FREM2: variants seen among roughly 807,000 people sequenced by gnomAD.
FREM2 encodes FRAS1-related extracellular matrix protein 2.
Under a neutral mutation model 219.9 loss-of-function variants are expected in FREM2, and 119 were observed. The ratio of observed to expected loss-of-function variants is 0.54; its 90% confidence interval spans 0.47 to 0.63. FREM2 has a LOEUF of 0.63. Ranked by LOEUF, FREM2 falls within the 30% of genes least tolerant of loss-of-function variation. The pLI, the probability that FREM2 is intolerant of heterozygous loss-of-function variation, is 0.00. For missense variants in FREM2, 4,030 were observed against 3,993.6 expected (o/e 1.01, Z -0.25); for synonymous variants, 1,562 against 1,522.8 (o/e 1.03, Z -0.60).
intron 8 of FREM2, among the ~76,000 whole-genome samples, chr13:38,848,982 A>T (rs1342864082): frequency 6.6e-6 from 1 of 151,956 alleles, no homozygotes; most frequent in Non-Finnish European, 1.5e-5. Flanking sequence ...TGTTCCCTGT[A>T]TGTGTCTCTG....
intron 11 of FREM2, among the ~76,000 whole-genome samples, chr13:38,855,770 G>A (rs1459557259): frequency 5.3e-5 from 8 of 151,982 alleles, no homozygotes; most frequent in African/African-American, 1.9e-4. Flanking sequence ...ACTACAAATT[G>A]GGTACAGTGT....
At chr13:38,855,232 C>T (rs1488676364) in intron 11 of FREM2, among the ~76,000 whole-genome samples, 1 of 151,988 alleles carries the variant, frequency 6.6e-6, no homozygotes, top group Non-Finnish European at 1.5e-5. Flanking sequence ...AAATCATTAG[C>T]ATTTATCTAA....
At chr13:38,861,376 T>C (rs1186982562) in intron 14 of FREM2, 55 bp from the exon 15 acceptor site, 7 of 1,561,878 alleles carry the variant, frequency 4.5e-6, no homozygotes, top group Non-Finnish European at 6.2e-6. Context: ...AAACATTCTT[T>C]AGGTATTATT....
chr13:38,835,628 T>C (rs928425756), intron 6 of FREM2, among the ~76,000 whole-genome samples: 4 of 152,244 alleles, frequency 2.6e-5, no homozygotes, highest in African/African-American at 9.6e-5. Context: ...CCTTGAGCAG[T>C]GGTTTGTAGT....
intron 4 of FREM2, among the ~76,000 whole-genome samples, chr13:38,782,272 G>T (rs1874146373): frequency 6.6e-6 from 1 of 152,090 alleles, no homozygotes; most frequent in African/African-American, 2.4e-5. Context: ...TCTGTTTGGG[G>T]TTTACAATGT....
In FREM2 at chr13:38,689,713, G is replaced by A. The variant is rs1345185914; in HGVS notation, c.2369G>A (p.Gly790Asp). The A allele has an allele frequency of 6.2e-7, 1 of 1,613,892 alleles. No individual in the cohort carries two copies. The highest frequency in any genetic ancestry group is 1.7e-5 in the Admixed American group (1 of 59,984). The change falls in exon 1 of 24, where the codon GGT becomes GAT. Residue 790 changes from glycine to aspartate, a missense_variant. Gly to Asp is a moderately conservative substitution (Grantham distance 94). Transcript: ENST00000280481. ...NHHKIAYRPP[G>D]QELGVATRVA... Reference sequence around the variant, plus strand: ...CATAAAATTGCTTACAGACCCCCGGGTCAAGAACTGGGCGTGGCTACTCGA... The same window carrying A: ...CATAAAATTGCTTACAGACCCCCGGATCAAGAACTGGGCGTGGCTACTCGA...
At chr13:38,710,412 A>G (rs1366318600) in intron 2 of FREM2, among the ~76,000 whole-genome samples, 3 of 152,218 alleles carry the variant, frequency 2.0e-5, no homozygotes, top group African/African-American at 4.8e-5. Flanking sequence ...TTCAGGACCA[A>G]TGAGAAGAGA....
intron 6 of FREM2, among the ~76,000 whole-genome samples, chr13:38,814,291 T>G (rs1875667106): frequency 6.6e-6 from 1 of 152,098 alleles, no homozygotes; most frequent in Admixed American, 6.6e-5. Context: ...AGTTAGGTAT[T>G]TATTGTGGTT....
chr13:38,740,964 CTGTG>C (rs1428522753), intron 2 of FREM2, among the ~76,000 whole-genome samples: 3 of 152,178 alleles, frequency 2.0e-5, no homozygotes, highest in African/African-American at 7.2e-5. Flanking sequence ...ATGCAACTCT[CTGTG>C]TTTGTGCAGA....
At chr13:38,824,597 G>C (rs539894513) in intron 6 of FREM2, among the ~76,000 whole-genome samples, 1 of 151,996 alleles carries the variant, frequency 6.6e-6, no homozygotes, top group Non-Finnish European at 1.5e-5. Flanking sequence ...GCTTGCTGCT[G>C]ATTGGTTGGG....
At chr13:38,806,569 C>A (rs892622132) in intron 6 of FREM2, among the ~76,000 whole-genome samples, 2 of 151,836 alleles carry the variant, frequency 1.3e-5, no homozygotes, top group Non-Finnish European at 1.5e-5. Context: ...AATGTACATA[C>A]CTTAAATAAA....
At chr13:38,750,826 G>A (rs570288813) in intron 2 of FREM2, among the ~76,000 whole-genome samples, 1 of 152,174 alleles carries the variant, frequency 6.6e-6, no homozygotes, top group Non-Finnish European at 1.5e-5. Context: ...CCAAGTAGCT[G>A]GTATTACAGG....
intron 2 of FREM2, among the ~76,000 whole-genome samples, chr13:38,761,732 T>C (rs1466716394): frequency 6.6e-6 from 1 of 152,006 alleles, no homozygotes; most frequent in Non-Finnish European, 1.5e-5. Context: ...AGGAGGGGGA[T>C]AGAGCAGCAA....
chr13:38,779,399 A>T (rs1018257921), intron 4 of FREM2: 4 of 137,282 alleles, frequency 2.9e-5, no homozygotes, highest in East Asian at 2.1e-4. Context: ...TAAATTTTTT[A>T]AAAAAAGAAT....
In FREM2 at chr13:38,882,453, T is replaced by C. The variant is rs984517419; in HGVS notation, c.*1666T>C. On this transcript the variant is annotated 3_prime_UTR_variant, in exon 24 of 24. Transcript: ENST00000280481. ...CTTGATCAAGATAAGGAAGCAACAC[T>C]GATACTGAGAGAGAGGTCATATGTC... 1.3e-5 allele frequency: 2 copies of C among 152,144 alleles called. No homozygotes were observed. Among genetic ancestry groups the C allele is most frequent in the Non-Finnish European group, 2.9e-5 (2 of 67,994 alleles). The allele number at this position is 152,144 out of a possible 1,614,324, so 9.4% of individuals were successfully genotyped here.
At chr13:38,723,801 T>A (rs1871398166) in intron 2 of FREM2, among the ~76,000 whole-genome samples, 1 of 152,234 alleles carries the variant, frequency 6.6e-6, no homozygotes, top group African/African-American at 2.4e-5. Flanking sequence ...ATCTAGGCAC[T>A]GCTCCAAGAG....
At chr13:38,868,451 C>T (rs572323057) in intron 16 of FREM2, among the ~76,000 whole-genome samples, 26 of 152,192 alleles carry the variant, frequency 1.7e-4, no homozygotes, top group Non-Finnish European at 7.3e-5. Flanking sequence ...AGCCCAGGTT[C>T]GTGTAGCTTG....
At chr13:38,784,122 C>G (rs1021067975) in intron 5 of FREM2, among the ~76,000 whole-genome samples, 5 of 152,180 alleles carry the variant, frequency 3.3e-5, no homozygotes, top group African/African-American at 1.2e-4. Context: ...ACTTCAGGAC[C>G]AGCCTTGGAC....
Position 38,690,639 on chromosome 13 carries a change from A to G in FREM2, c.3295A>G (p.Asn1099Asp). 6.2e-7 allele frequency: 1 copy of G among 1,613,806 alleles called. No homozygotes were observed. The highest frequency in any genetic ancestry group is 8.5e-7 in the Non-Finnish European group (1 of 1,179,884). ...HISAEDVDSL[N>D]DDILCTIVIQ... ...AAGTGCTGAAGATGTCGACTCCCTG[A>G]ATGATGACATCTTGTGCACTATAGT... The change falls in exon 1 of 24, where the codon AAT (asparagine) becomes GAT (aspartate). Residue 1099 changes from asparagine (N) to aspartate (D), a missense_variant. Physicochemically the swap from Asn to Asp is conservative, Grantham distance 23. Around this residue, in one of 2 missense-constraint regions of FREM2, gnomAD observed 3,102 missense variants for 2,950.7 expected, o/e 1.05. Coordinates refer to ENST00000280481, the MANE Select transcript of FREM2 (RefSeq NM_207361.6).
Sources: gnomAD v4.1 joint callset for allele counts (sites outside exome capture counted in the v4.1 genomes callset) on GRCh38, gnomAD v4.1.1 for gene constraint, gnomAD v4.1.1 regional missense constraint, MANE v1.5 for transcripts, NCBI Gene and HGNC (gene_info 2026-07-23, HGNC 2026-07-21) for gene names.